Variants in PCDH9 observed in about 807,000 individuals in gnomAD.
The protein encoded by PCDH9 is protocadherin-9.
In PCDH9, 24 loss-of-function variants were observed where a neutral mutation model predicts 70.6. The ratio of observed to expected loss-of-function variants is 0.34; its 90% CI spans 0.25 to 0.48. The LOEUF (loss-of-function observed/expected upper bound fraction) is 0.48, where lower values mean the gene tolerates loss of function less well. Among genes scored for constraint, PCDH9 ranks in the 20% least tolerant of loss-of-function variants. The pLI is 0.99. For synonymous variants in PCDH9, 562 were observed against 558.5 expected (o/e 1.01, Z -0.09); for missense variants, 1,281 against 1,503.6 (o/e 0.85, Z 2.45).
At chr13:66,766,650 A>T (rs2079722626) in intron 3 of PCDH9, among the ~76,000 whole-genome samples, 1 of 151,812 alleles carries the variant, frequency 6.6e-6, no homozygotes, top group Admixed American at 6.6e-5. Context: ...GGGAAAGGGG[A>T]AAGGGAAGGA....
intron 4 of PCDH9, among the ~76,000 whole-genome samples, chr13:66,311,805 G>C (rs1382190614): frequency 6.6e-6 from 1 of 151,968 alleles, no homozygotes; most frequent in East Asian, 1.9e-4. Flanking sequence ...TTATTACTCC[G>C]CTCTTATTAT....
chr13:67,204,875 A>G (rs898256068), intron 2 of PCDH9: 1 of 152,200 alleles, frequency 6.6e-6, no homozygotes, highest in Admixed American at 6.5e-5. Flanking sequence ...TGGGAATTCT[A>G]TCAGAAGACT....
chr13:66,785,628 G>A (rs372870577), intron 3 of PCDH9, among the ~76,000 whole-genome samples: 11 of 152,098 alleles, frequency 7.2e-5, no homozygotes, highest in African/African-American at 2.7e-4. Flanking sequence ...TAGGATATCA[G>A]CAACATTAAG....
intron 2 of PCDH9, among the ~76,000 whole-genome samples, chr13:66,984,750 CT>C (rs2083854117): frequency 6.6e-6 from 1 of 152,086 alleles, no homozygotes; most frequent in Admixed American, 6.6e-5. Flanking sequence ...CATTAAATGA[CT>C]TTGACCATCA....
intron 2 of PCDH9, among the ~76,000 whole-genome samples, chr13:66,962,545 T>C (rs1384544194): frequency 6.6e-6 from 1 of 152,256 alleles, no homozygotes; most frequent in Non-Finnish European, 1.5e-5. Flanking sequence ...TATAGGCTAT[T>C]GCTTCTAGCC....
intron 2 of PCDH9, among the ~76,000 whole-genome samples, chr13:66,958,578 C>A (rs995229944): frequency 1.3e-5 from 2 of 152,024 alleles, no homozygotes; most frequent in Non-Finnish European, 2.9e-5. Flanking sequence ...TCACACATAT[C>A]ACATTACCAA....
intron 4 of PCDH9, among the ~76,000 whole-genome samples, chr13:66,331,898 T>C (rs1211181766): frequency 2.0e-5 from 3 of 152,156 alleles, no homozygotes; most frequent in African/African-American, 7.2e-5. Flanking sequence ...AATGATTAAA[T>C]GAAAATGGAG....
intron 3 of PCDH9, among the ~76,000 whole-genome samples, chr13:66,654,580 C>G (rs2077901166): frequency 6.6e-6 from 1 of 151,364 alleles, no homozygotes; most frequent in Non-Finnish European, 1.5e-5. Context: ...TCTTATGTAC[C>G]CTATAAATAT....
At chr13:66,395,412 C>T (rs2138279464) in intron 4 of PCDH9, among the ~76,000 whole-genome samples, 1 of 152,088 alleles carries the variant, frequency 6.6e-6, no homozygotes, top group Non-Finnish European at 1.5e-5. Context: ...ACCAGCCTGG[C>T]CAAGATGGTG....
At chr13:67,211,825 C>G (rs1228935284) in intron 2 of PCDH9, 1 of 152,068 alleles carries the variant, frequency 6.6e-6, no homozygotes, top group Non-Finnish European at 1.5e-5. Context: ...AACATTTATT[C>G]CAGCCAGAAT....
intron 3 of PCDH9, among the ~76,000 whole-genome samples, chr13:66,798,568 A>G (rs1034642556): frequency 6.6e-6 from 1 of 152,124 alleles, no homozygotes; most frequent in Non-Finnish European, 1.5e-5. Flanking sequence ...GCAATAGAGG[A>G]GTTATCCTGG....
intron 3 of PCDH9, among the ~76,000 whole-genome samples, chr13:66,854,031 C>T (rs2081355820): frequency 6.6e-6 from 1 of 152,144 alleles, no homozygotes; most frequent in African/African-American, 2.4e-5. Context: ...AAGCTTTGAA[C>T]ATGAGATTCA....
intron 2 of PCDH9, among the ~76,000 whole-genome samples, chr13:66,918,725 A>T (rs2082595163): frequency 6.6e-6 from 1 of 151,264 alleles, no homozygotes; most frequent in African/African-American, 2.4e-5. Flanking sequence ...CACATATCAA[A>T]TGCATTTAAA....
At chr13:66,851,720 C>A (rs1024981638) in intron 3 of PCDH9, among the ~76,000 whole-genome samples, 2 of 152,120 alleles carry the variant, frequency 1.3e-5, no homozygotes. Flanking sequence ...CTTTGACAAC[C>A]AATGGCTTAT....
intron 4 of PCDH9, among the ~76,000 whole-genome samples, chr13:66,431,882 T>C (rs1957775778): frequency 6.6e-6 from 1 of 152,026 alleles, no homozygotes; most frequent in African/African-American, 2.4e-5. Flanking sequence ...CATAGACTAT[T>C]GGAAAAAGAC....
At chr13:66,851,154 A>G (rs2081308437) in intron 3 of PCDH9, among the ~76,000 whole-genome samples, 1 of 152,200 alleles carries the variant, frequency 6.6e-6, no homozygotes, top group African/African-American at 2.4e-5. Flanking sequence ...ACTCTTCTAA[A>G]ATACATGCTG....
intron 4 of PCDH9, among the ~76,000 whole-genome samples, chr13:66,480,087 C>T (rs1958810550): frequency 6.6e-6 from 1 of 152,154 alleles, no homozygotes; most frequent in Non-Finnish European, 1.5e-5. Context: ...CAAGAACCCA[C>T]CAGAAGGAAC....
intron 2 of PCDH9, among the ~76,000 whole-genome samples, chr13:67,006,117 C>T (rs1208855401): frequency 2.0e-5 from 3 of 152,160 alleles, no homozygotes; most frequent in African/African-American, 7.2e-5. Context: ...GTCCCAGCTA[C>T]TCGGGAGGCT....
chr13:66,943,463 T>A (rs1434040197), intron 2 of PCDH9, among the ~76,000 whole-genome samples: 1 of 152,128 alleles, frequency 6.6e-6, no homozygotes, highest in Non-Finnish European at 1.5e-5. Flanking sequence ...TACTCCACTA[T>A]CCTCAATAAT....
Sources: allele counts gnomAD v4.1 joint callset (sites outside exome capture counted in the v4.1 genomes callset), GRCh38; gene constraint gnomAD v4.1.1; transcripts MANE v1.5; gene names NCBI Gene and HGNC (gene_info 2026-07-23, HGNC 2026-07-21).